The following TIAM1 variants were observed in gnomAD, a reference collection of about 807,000 sequenced individuals.
The protein encoded by TIAM1 is TIAM Rac1 associated GEF 1, also known as rho guanine nucleotide exchange factor TIAM1.
TIAM1 carries 65 observed loss-of-function variants against 163.5 expected under a neutral mutation model. That is an observed-to-expected ratio of 0.40 (90% confidence interval 0.33 to 0.49). The LOEUF is 0.49. TIAM1 is among the 20% of genes least tolerant of loss of function. TIAM1 has a pLI of 0.77. For synonymous variants in TIAM1, 833 were observed against 810.1 expected, an observed-to-expected ratio of 1.03 and a Z score of -0.48; for missense variants, 1,789 against 2,044.7, an observed-to-expected ratio of 0.87 and a Z score of 2.41.
chr21:31,375,767 G>A lies in TIAM1; in HGVS notation c.-368-36345C>T, dbSNP rs541691352. Reference sequence around the variant, plus strand: ...AAAAAGGCCAGGTGTGGTGGCTCACGCCTGTAATCCCAGCACTTTGGGAGG... The same window carrying A: ...AAAAAGGCCAGGTGTGGTGGCTCACACCTGTAATCCCAGCACTTTGGGAGG... On this transcript the variant is annotated intron_variant, in intron 2 of 28. Transcript: ENST00000286827. Among the ~76,000 whole-genome samples the A allele has an allele frequency of 8.5e-5, 13 of 152,234 alleles. No homozygotes were observed. The East Asian group carries it at 2.1e-3, about 25-fold the overall frequency.
intron 15 of TIAM1, among the ~76,000 whole-genome samples, chr21:31,177,549 G>A (rs765512800): frequency 3.9e-5 from 6 of 152,226 alleles, no homozygotes; most frequent in Non-Finnish European, 5.9e-5. Flanking sequence ...AGAGGTTGCA[G>A]TGAGCCAAGA....
At chr21:31,296,425 G>A (rs745385852) in intron 2 of TIAM1, among the ~76,000 whole-genome samples, 8 of 152,088 alleles carry the variant, frequency 5.3e-5, no homozygotes, top group Non-Finnish European at 7.4e-5. Context: ...CTTCCCCAAC[G>A]GAGCCCCAAA....
At chr21:31,355,528 A>ATTATTTATTTATTTAT (rs56133305) in intron 2 of TIAM1, among the ~76,000 whole-genome samples, 38 of 144,756 alleles carry the variant, frequency 2.6e-4, no homozygotes, top group East Asian at 1.2e-3. Context: ...TCTCTCCTTT[A>ATTATTTATTTATTTAT]TTATTTATTT....
chr21:31,428,708 C>A (rs1291885116), intron 2 of TIAM1, among the ~76,000 whole-genome samples: 1 of 151,952 alleles, frequency 6.6e-6, no homozygotes, highest in Non-Finnish European at 1.5e-5. Flanking sequence ...CATGGCAAAA[C>A]CCCACCTCTA....
At chr21:31,140,213 C>G (rs977127845) in intron 22 of TIAM1, among the ~76,000 whole-genome samples, 15 of 152,236 alleles carry the variant, frequency 9.9e-5, no homozygotes, top group Non-Finnish European at 1.8e-4. Context: ...CTTTCTCTAG[C>G]CTACACTAAA....
chr21:31,168,249 C>G (rs1432607997), intron 15 of TIAM1, among the ~76,000 whole-genome samples: 1 of 151,930 alleles, frequency 6.6e-6, no homozygotes, highest in African/African-American at 2.4e-5. Context: ...CCCGTCACCA[C>G]GCTGGCTAAT....
chr21:31,434,911 C>T (rs2147287201), intron 2 of TIAM1, among the ~76,000 whole-genome samples: 1 of 152,294 alleles, frequency 6.6e-6, no homozygotes, highest in South Asian at 2.1e-4. Flanking sequence ...CAATGAATAA[C>T]CACTGAACTA....
chr21:31,158,445 G>T (rs7280968), intron 16 of TIAM1, among the ~76,000 whole-genome samples: 7,464 of 152,078 alleles, frequency 0.049, 596 homozygotes, highest in African/African-American at 0.17. Context: ...ATGAATCAAG[G>T]CACCAACCCT....
At chr21:31,253,882 C>T (rs1287016733) in intron 4 of TIAM1, among the ~76,000 whole-genome samples, 2 of 152,202 alleles carry the variant, frequency 1.3e-5, no homozygotes, top group African/African-American at 4.8e-5. Context: ...CCACATTTCT[C>T]CTTGGCAGGG....
At chr21:31,275,611 AT>A (rs1297061713) in intron 3 of TIAM1, among the ~76,000 whole-genome samples, 1 of 152,206 alleles carries the variant, frequency 6.6e-6, no homozygotes, top group Admixed American at 6.5e-5. Context: ...CCCTCTTCTC[AT>A]TTTATTATAA....
intron 6 of TIAM1, among the ~76,000 whole-genome samples, chr21:31,243,026 G>A (rs976759342): frequency 6.7e-6 from 1 of 148,212 alleles, no homozygotes; most frequent in Admixed American, 6.8e-5. Context: ...ACCTCTACTA[G>A]AAAAAAAAAT....
At chr21:31,443,101 C>A (rs1357447927) in intron 2 of TIAM1, among the ~76,000 whole-genome samples, 1 of 152,178 alleles carries the variant, frequency 6.6e-6, no homozygotes. Context: ...AAACCTTGGA[C>A]TGTGGAGTTT....
intron 2 of TIAM1, among the ~76,000 whole-genome samples, chr21:31,380,841 G>T (rs1855703): frequency 0.23 from 35,608 of 152,028 alleles, 4,469 homozygotes; most frequent in Middle Eastern, 0.47. Flanking sequence ...GCATTGTACC[G>T]GATCGGTTAG....
chr21:31,120,418 C>A lies in TIAM1; in HGVS notation c.4726G>T (p.Val1576Phe). 1 of 1,614,042 alleles carries A rather than the reference C, an allele frequency of 6.2e-7. No individual in the cohort carries two copies. Among genetic ancestry groups the A allele is most frequent in the Non-Finnish European group, 8.5e-7 (1 of 1,179,976 alleles). The change falls in exon 28 of 28, where the codon GTT becomes TTT. Residue 1576 changes from valine (V) to phenylalanine (F), a missense_variant. By Grantham distance (50) the Val-to-Phe change is conservative. This residue lies in a region of TIAM1 where 415 missense variants were observed against 439.2 expected (regional missense o/e 0.94). Coordinates refer to ENST00000541036, the MANE Select transcript of TIAM1 (RefSeq NM_001353694.2). This position sits in a 1 kb window ranked among gnomAD's most constrained non-coding sequence, Gnocchi z 4.2. ...LESASEEVIW[V>F]RREDFAPSRK... ...GAGGGGGCAAAGTCTTCACGCCTAA[C>A]CCAAATGACTTCCTCGCTTGCGCTC...
At chr21:31,251,637 T>A in intron 5 of TIAM1, 105 bp downstream of exon 5, 4 of 1,191,402 alleles carry the variant, frequency 3.4e-6, no homozygotes, top group Non-Finnish European at 4.7e-6. Context: ...TTTCAAATTC[T>A]GTATAACAAC....
chr21:31,191,578 C>T (rs1379337315), intron 13 of TIAM1, among the ~76,000 whole-genome samples: 2 of 152,158 alleles, frequency 1.3e-5, no homozygotes, highest in Non-Finnish European at 2.9e-5. Flanking sequence ...ATTGCCACAA[C>T]CTCCAAGCAT....
At chr21:31,222,707 A>ATAT (rs1235400142) in intron 8 of TIAM1, among the ~76,000 whole-genome samples, 19 of 32,876 alleles carry the variant, frequency 5.8e-4, no homozygotes, top group African/African-American at 2.4e-3. Context: ...ATATATATAT[A>ATAT]TTTTTTTTTT....
chr21:31,478,713 A>T (rs976600644), intron 1 of TIAM1, among the ~76,000 whole-genome samples: 5 of 152,234 alleles, frequency 3.3e-5, no homozygotes, highest in African/African-American at 1.2e-4. Flanking sequence ...GACCACCAAA[A>T]CAATGATCAA....
rs553494258 is a variant in TIAM1, at chr21:31,455,293, A to T, written c.-369+8690T>A. Reference sequence around the variant, plus strand: ...AAACTCTGCCTCAAAAAAAAAAAAAAAAAAAAAGACCCTAGAACATAGGCT... The same window carrying T: ...AAACTCTGCCTCAAAAAAAAAAAAATAAAAAAAGACCCTAGAACATAGGCT... On this transcript the variant is annotated intron_variant, in intron 2 of 28. Transcript: ENST00000286827. Among the ~76,000 whole-genome samples the T allele has an allele frequency of 8.6e-5, 13 of 151,940 alleles. No homozygotes were observed. The South Asian group carries it at 2.7e-3, about 32-fold the overall frequency.
Sources: allele counts gnomAD v4.1 joint callset (sites outside exome capture counted in the v4.1 genomes callset), GRCh38; gene constraint gnomAD v4.1.1; regional missense constraint gnomAD v4.1.1; non-coding constraint Gnocchi (gnomAD v3.1); transcripts MANE v1.5; gene names NCBI Gene and HGNC (gene_info 2026-07-23, HGNC 2026-07-21).